Variants in IPCEF1 observed in about 807,000 individuals in gnomAD.
The protein encoded by IPCEF1 is interaction protein for cytohesin exchange factors 1.
In IPCEF1, 31 loss-of-function variants were observed where a neutral mutation model predicts 50.9. The observed-to-expected ratio is 0.61, with a 90% confidence interval of 0.46 to 0.82. IPCEF1 has a LOEUF of 0.82. Among genes scored for constraint, IPCEF1 ranks in the 40% least tolerant of loss-of-function variants. IPCEF1 has a pLI of 0.00. For missense variants in IPCEF1, 458 were observed against 514.0 expected (o/e 0.89, Z 1.05); for synonymous variants, 181 against 192.0 (o/e 0.94, Z 0.47).
At chr6:154,217,704 A>T (rs1005493084) in intron 7 of IPCEF1, among the ~76,000 whole-genome samples, 1 of 152,212 alleles carries the variant, frequency 6.6e-6, no homozygotes, top group Admixed American at 6.5e-5. Context: ...TAACAATTTC[A>T]TGGTTCACTT....
chr6:154,223,370 C>T lies in IPCEF1; in HGVS notation c.247-127G>A, dbSNP rs935431844. ...GGGAGAATCAAGAGATACCAACCAC[C>T]CTGAATCACCATGGAGGTGTCCCAG... On this transcript the variant is annotated intron_variant, in intron 5 of 11. Transcript: ENST00000367220. 3.3e-5 allele frequency: 24 copies of T among 726,054 alleles called. No homozygotes were observed. The South Asian group carries it at 3.8e-4, about 11-fold the overall frequency. The allele number at this position is 726,054 out of a possible 1,614,324, so 45.0% of individuals were successfully genotyped here.
chr6:154,180,414 A>ATATATATATATATATTTTTTTT (rs1241250621), intron 10 of IPCEF1, among the ~76,000 whole-genome samples: 1 of 65,268 alleles, frequency 1.5e-5, no homozygotes, highest in African/African-American at 4.8e-5. Flanking sequence ...ATATATATAT[A>ATATATATATATATATTTTTTTT]TTTTTTTTTT....
rs188658631 is a variant in IPCEF1, at chr6:154,222,080, G to T, written c.321-752C>A. Among the ~76,000 whole-genome samples the T allele has an allele frequency of 2.0e-5, 3 of 152,242 alleles. No homozygotes were observed. In the South Asian group the frequency reaches 6.2e-4, roughly 32 times the overall value. On this transcript the variant is annotated intron_variant, in intron 6 of 11. Coordinates refer to ENST00000367220, the MANE Select transcript of IPCEF1 (RefSeq NM_001130700.2). ...AAGAATTTTTATAGGAGAATAATCA[G>T]GTATGGAACGTCCACTCTGCAGCAA... is the stretch of plus-strand genomic sequence containing the variant.
chr6:154,203,317 A>G (rs1172844398), intron 9 of IPCEF1, among the ~76,000 whole-genome samples: 1 of 152,188 alleles, frequency 6.6e-6, no homozygotes, highest in African/African-American at 2.4e-5. Flanking sequence ...GGGGCCAGGT[A>G]GGTGCTTTGC....
At chr6:154,194,466 C>G (rs1776427122) in intron 10 of IPCEF1, among the ~76,000 whole-genome samples, 1 of 152,162 alleles carries the variant, frequency 6.6e-6, no homozygotes, top group Non-Finnish European at 1.5e-5. Context: ...TTACCTTATT[C>G]ACATTCTGTC....
intron 5 of IPCEF1, among the ~76,000 whole-genome samples, chr6:154,228,149 T>C (rs1397163166): frequency 6.6e-6 from 1 of 152,040 alleles, no homozygotes; most frequent in Non-Finnish European, 1.5e-5. Flanking sequence ...TCCTTCTTCT[T>C]CAATTCCTAA....
chr6:154,210,855 TTA>T lies in IPCEF1; in HGVS notation c.537+1913_537+1914del, dbSNP rs201000863. On this transcript the variant is annotated intron_variant, in intron 9 of 11. Coordinates refer to ENST00000367220, the MANE Select transcript of IPCEF1 (RefSeq NM_001130700.2). Reference sequence around the variant, plus strand: ...TTAATAAACATTTATTCAACAATATTTATGTCTTTTCTTGGCTGCTAGCCAAA... The same window carrying T: ...TTAATAAACATTTATTCAACAATATTTGTCTTTTCTTGGCTGCTAGCCAAA... Among the ~76,000 whole-genome samples the T allele has an allele frequency of 8.2e-3, 1,254 of 152,330 alleles. 22 individuals carry two copies. Among genetic ancestry groups the T allele is most frequent in the African/African-American group, 0.028 (1,182 of 41,574 alleles).
At chr6:154,221,140 T>G in intron 7 of IPCEF1, 117 bp downstream of exon 7, 1 of 745,454 alleles carries the variant, frequency 1.3e-6, no homozygotes, top group East Asian at 2.8e-5. Flanking sequence ...AAATTAATCC[T>G]TAAAGTAACA....
At chr6:154,251,608 G>A (rs1290681024) in intron 3 of IPCEF1, among the ~76,000 whole-genome samples, 1 of 152,120 alleles carries the variant, frequency 6.6e-6, no homozygotes, top group Non-Finnish European at 1.5e-5. Flanking sequence ...CAAAGTAAAT[G>A]GTAAAGTGAA....
chr6:154,206,562 A>G (rs1777511925), intron 9 of IPCEF1, among the ~76,000 whole-genome samples: 1 of 152,064 alleles, frequency 6.6e-6, no homozygotes, highest in Non-Finnish European at 1.5e-5. Context: ...AATAAACCAG[A>G]TACACAAAAT....
At chr6:154,230,070 T>C (rs1779603529) in intron 5 of IPCEF1, among the ~76,000 whole-genome samples, 1 of 152,122 alleles carries the variant, frequency 6.6e-6, no homozygotes, top group African/African-American at 2.4e-5. Context: ...GGGTGGGAAC[T>C]GACTGTAAAT....
intron 1 of IPCEF1, among the ~76,000 whole-genome samples, chr6:154,322,743 A>G (rs1333888340): frequency 2.0e-5 from 3 of 152,098 alleles, no homozygotes; most frequent in Admixed American, 2.0e-4. Context: ...AGGCTGAGGC[A>G]TGAGAATCAC....
Position 154,214,256 on chromosome 6 carries a change from G to A in IPCEF1, c.413C>T (p.Ser138Leu), listed in dbSNP as rs368673715. 258 of 1,610,438 alleles carry A rather than the reference G, an allele frequency of 1.6e-4. No homozygotes were observed. Among genetic ancestry groups the A allele is most frequent in the Non-Finnish European group, 2.0e-4 (235 of 1,176,842 alleles). The part of the protein sequence containing the change: ...EMNVWLNKLG[S>L]AVIHQESTTK... Reference sequence around the variant, plus strand: ...AGTGGATTCCTGATGGATTACAGCCGATCCAAGTTTATTTAACCACCTAAA... The same window carrying A: ...AGTGGATTCCTGATGGATTACAGCCAATCCAAGTTTATTTAACCACCTAAA... The change falls in exon 8 of 12, where the codon TCG (serine) becomes TTG (leucine). Residue 138 changes from serine to leucine, a missense_variant. Coordinates refer to ENST00000367220, the MANE Select transcript of IPCEF1 (RefSeq NM_001130700.2).
Position 154,317,548 on chromosome 6 carries a change from C to CAAAAAAAAAAAAA in IPCEF1, c.-61-27805_-61-27793dup, listed in dbSNP as rs71021041. 1.2e-3 allele frequency among the ~76,000 whole-genome samples: 19 copies of CAAAAAAAAAAAAA among 16,314 alleles called. 1 individual carries two copies. The highest frequency in any genetic ancestry group is 1.3e-3 in the Non-Finnish European group (13 of 10,394). The allele number at this position is 16,314 out of a possible 152,430, so 10.7% of individuals were successfully genotyped here. On this transcript the variant is annotated intron_variant, in intron 1 of 11. Transcript: ENST00000367220. ...TGGGCGACAGTGAGAGACTCCATCT[C>CAAAAAAAAAAAAA]AAAAAAAAAAAAAAAAAAAAAAAAA...
intron 7 of IPCEF1, among the ~76,000 whole-genome samples, chr6:154,219,985 AGTGTGTGTGT>A (rs57450665): frequency 0.017 from 2,331 of 140,106 alleles, 56 homozygotes; most frequent in African/African-American, 0.054. Flanking sequence ...ACCTGTAAGG[AGTGTGTGTGT>A]GTGTGTGTGT....
chr6:154,220,092 A>G (rs1176344003), intron 7 of IPCEF1, among the ~76,000 whole-genome samples: 1 of 151,932 alleles, frequency 6.6e-6, no homozygotes, highest in Non-Finnish European at 1.5e-5. Flanking sequence ...GCAAGAGAGC[A>G]ATGAGAACTA....
intron 1 of IPCEF1, among the ~76,000 whole-genome samples, chr6:154,355,256 A>G (rs1265021737): frequency 6.6e-6 from 1 of 152,232 alleles, no homozygotes. Flanking sequence ...TCCTATTTCC[A>G]TACTCTGATG....
chr6:154,306,717 T>G (rs1354779701), intron 1 of IPCEF1: 1 of 152,318 alleles, frequency 6.6e-6, no homozygotes, highest in Non-Finnish European at 1.5e-5. Context: ...TCTGTCCCAG[T>G]GCCTTCGTAG....
intron 10 of IPCEF1, among the ~76,000 whole-genome samples, chr6:154,186,567 TTTTTTTTGAGAC>T (rs1441797021): frequency 1.3e-5 from 2 of 151,948 alleles, no homozygotes; most frequent in East Asian, 3.9e-4. Context: ...TTTTTCTCTT[TTTTTTTTGAGAC>T]GGAGTCTCGC....
Sources: allele counts gnomAD v4.1 joint callset (sites outside exome capture counted in the v4.1 genomes callset), GRCh38; gene constraint gnomAD v4.1.1; transcripts MANE v1.5; gene names NCBI Gene and HGNC (gene_info 2026-07-23, HGNC 2026-07-21).